The following CTNNA2 variants were observed in gnomAD, a reference collection of about 807,000 sequenced individuals.
CTNNA2 encodes the protein catenin alpha-2.
Under a neutral mutation model 101.0 loss-of-function variants are expected in CTNNA2, and 42 were observed. The ratio of observed to expected loss-of-function variants is 0.42; its 90% CI spans 0.32 to 0.54. CTNNA2 has a LOEUF of 0.54. CTNNA2 is among the 20% of genes least tolerant of loss of function. The pLI, the probability that CTNNA2 is intolerant of heterozygous loss-of-function variation, is 0.14. For synonymous variants in CTNNA2, 450 were observed against 456.4 expected, an observed-to-expected ratio of 0.99 and a Z score of 0.18; for missense variants, 871 against 1,223.1, an observed-to-expected ratio of 0.71 and a Z score of 4.29.
chr2:80,499,426 A>C (rs1259556410), intron 9 of CTNNA2, among the ~76,000 whole-genome samples: 1 of 152,144 alleles, frequency 6.6e-6, no homozygotes, highest in Non-Finnish European at 1.5e-5. Flanking sequence ...TCCTCTCTTG[A>C]AAGCATGTTT....
At chr2:79,934,526 C>T (rs931724482) in intron 7 of CTNNA2, among the ~76,000 whole-genome samples, 1 of 152,206 alleles carries the variant, frequency 6.6e-6, no homozygotes, top group African/African-American at 2.4e-5. Context: ...TGAGTTTACA[C>T]TCAGCTTTCC....
At chr2:80,377,500 A>C (rs1676071893) in intron 7 of CTNNA2, among the ~76,000 whole-genome samples, 2 of 152,224 alleles carry the variant, frequency 1.3e-5, no homozygotes, top group African/African-American at 2.4e-5. Context: ...CCAGCCTCAC[A>C]CAGCTGAGCA....
intron 2 of CTNNA2, among the ~76,000 whole-genome samples, chr2:79,218,245 A>T (rs569170332): frequency 2.6e-5 from 4 of 151,988 alleles, no homozygotes; most frequent in South Asian, 2.1e-4. Flanking sequence ...GGAGAGACAG[A>T]AGCACAGGGG....
chr2:80,083,386 C>G (rs768608749), intron 7 of CTNNA2, among the ~76,000 whole-genome samples: 5 of 152,056 alleles, frequency 3.3e-5, no homozygotes, highest in Non-Finnish European at 5.9e-5. Context: ...TTGGTTGCCA[C>G]AGTAGCAAGC....
At chr2:79,228,044 C>T (rs909730413) in intron 2 of CTNNA2, among the ~76,000 whole-genome samples, 3 of 152,182 alleles carry the variant, frequency 2.0e-5, no homozygotes, top group African/African-American at 7.2e-5. Flanking sequence ...AGGCTAATGG[C>T]CTCCAACTCC....
chr2:79,605,214 A>G (rs1474898624), intron 1 of CTNNA2, among the ~76,000 whole-genome samples: 2 of 152,188 alleles, frequency 1.3e-5, no homozygotes, highest in Non-Finnish European at 2.9e-5. Context: ...TGTGAAAAAT[A>G]TACTGGATGG....
At chr2:79,731,162 T>C (rs1687170697) in intron 2 of CTNNA2, among the ~76,000 whole-genome samples, 3 of 152,082 alleles carry the variant, frequency 2.0e-5, no homozygotes, top group African/African-American at 2.4e-5. Context: ...TACTTTTGAT[T>C]GTTGCCTTTA....
chr2:79,757,770 T>C (rs187860683), intron 3 of CTNNA2, among the ~76,000 whole-genome samples: 72 of 152,336 alleles, frequency 4.7e-4, no homozygotes, highest in Middle Eastern at 3.4e-3. Flanking sequence ...GTGCCTGCGC[T>C]GTGCGACCTG....
chr2:80,643,323 G>A (rs1673691567), intron 18 of CTNNA2, among the ~76,000 whole-genome samples: 3 of 152,146 alleles, frequency 2.0e-5, no homozygotes, highest in Non-Finnish European at 4.4e-5. Context: ...TGTTAGCAGT[G>A]TGATAATGGG....
At chr2:80,323,699 T>G (rs1474619232) in intron 7 of CTNNA2, among the ~76,000 whole-genome samples, 1 of 152,132 alleles carries the variant, frequency 6.6e-6, no homozygotes, top group Non-Finnish European at 1.5e-5. Flanking sequence ...TCTTTTTCTA[T>G]TAGTGAATCC....
intron 11 of CTNNA2, among the ~76,000 whole-genome samples, chr2:80,552,890 A>G (rs1027600082): frequency 6.6e-6 from 1 of 152,086 alleles, no homozygotes; most frequent in Admixed American, 6.6e-5. Flanking sequence ...TTGCATGACT[A>G]TATCTTAAAA....
At chr2:79,846,883 A>G (rs1680268830) in intron 3 of CTNNA2, among the ~76,000 whole-genome samples, 1 of 152,256 alleles carries the variant, frequency 6.6e-6, no homozygotes, top group African/African-American at 2.4e-5. Flanking sequence ...ATAACAAGCT[A>G]GAAACCAGAT....
chr2:80,116,054 CT>C (rs5832433), intron 7 of CTNNA2, among the ~76,000 whole-genome samples: 51,808 of 150,668 alleles, frequency 0.34, 9,576 homozygotes, highest in East Asian at 0.54. Flanking sequence ...GTTTAATAAA[CT>C]TTTTTTTTTC....
intron 4 of CTNNA2, among the ~76,000 whole-genome samples, chr2:79,436,833 G>A (rs1377569145): frequency 2.6e-5 from 4 of 152,016 alleles, no homozygotes; most frequent in East Asian, 2.0e-4. Flanking sequence ...GGGTGTCACC[G>A]TTTTAGCCAG....
chr2:80,219,152 G>C (rs1002593134), intron 7 of CTNNA2, among the ~76,000 whole-genome samples: 1 of 152,186 alleles, frequency 6.6e-6, no homozygotes, highest in Non-Finnish European at 1.5e-5. Flanking sequence ...CTAAGACCTT[G>C]ACTTTTGTCA....
chr2:80,199,032 T>A (rs1707023329), intron 7 of CTNNA2, among the ~76,000 whole-genome samples: 1 of 151,588 alleles, frequency 6.6e-6, no homozygotes, highest in Admixed American at 6.6e-5. Context: ...AATAAAAAAA[T>A]TAGCTGGGTG....
intron 7 of CTNNA2, among the ~76,000 whole-genome samples, chr2:79,944,706 G>T (rs1688380443): frequency 6.6e-6 from 1 of 152,160 alleles, no homozygotes; most frequent in Admixed American, 6.5e-5. Context: ...AGCACATGAG[G>T]AGAATCCTGG....
intron 2 of CTNNA2, among the ~76,000 whole-genome samples, chr2:79,715,696 TTGGAGGGAG>T (rs1686049767): frequency 6.6e-6 from 1 of 152,062 alleles, no homozygotes; most frequent in Non-Finnish European, 1.5e-5. Flanking sequence ...GAGGAAATGC[TTGGAGGGAG>T]GGGACTAAAT....
At chr2:79,636,341 A>G (rs906233326) in intron 1 of CTNNA2, among the ~76,000 whole-genome samples, 8 of 151,646 alleles carry the variant, frequency 5.3e-5, no homozygotes, top group Non-Finnish European at 1.5e-5. Flanking sequence ...TTTTCAGCAT[A>G]AAGTAAGACA....
Sources: allele counts gnomAD v4.1 joint callset (sites outside exome capture counted in the v4.1 genomes callset), GRCh38; gene constraint gnomAD v4.1.1; transcripts MANE v1.5; gene names NCBI Gene and HGNC (gene_info 2026-07-23, HGNC 2026-07-21).